Variants in SOX6 observed in about 807,000 individuals in gnomAD.
The protein encoded by SOX6 is transcription factor SOX-6.
In SOX6, 11 loss-of-function variants were observed where a neutral mutation model predicts 97.8. The observed-to-expected ratio is 0.11, with a 90% confidence interval of 0.07 to 0.19. The LOEUF is 0.19. Among genes scored for constraint, SOX6 ranks in the 10% least tolerant of loss-of-function variants. SOX6 has a pLI of 1.00. For missense variants in SOX6, 810 were observed against 1,039.5 expected, an observed-to-expected ratio of 0.78 and a Z score of 3.04; for synonymous variants, 360 against 371.4, an observed-to-expected ratio of 0.97 and a Z score of 0.35.
At chr11:16,155,391 G>T (rs896812535) in intron 6 of SOX6, among the ~76,000 whole-genome samples, 4 of 152,094 alleles carry the variant, frequency 2.6e-5, no homozygotes, top group Admixed American at 2.0e-4. Context: ...ACCTCAATGG[G>T]CTATTGTAAG....
chr11:16,628,013 A>G (rs1206152356), intron 3 of SOX6, among the ~76,000 whole-genome samples: 1 of 152,122 alleles, frequency 6.6e-6, no homozygotes, highest in African/African-American at 2.4e-5. Flanking sequence ...TCTGCATATG[A>G]CTAGCCAGCT....
At chr11:16,721,552 T>TCTC (rs1848264385) in intron 2 of SOX6, among the ~76,000 whole-genome samples, 5 of 2,132 alleles carry the variant, frequency 2.3e-3, no homozygotes, top group Non-Finnish European at 3.9e-3. Flanking sequence ...CTCTCTCTCT[T>TCTC]CCCCCCCCTC....
chr11:16,635,383 T>C (rs114173336), intron 3 of SOX6, among the ~76,000 whole-genome samples: 2,986 of 152,294 alleles, frequency 0.02, 108 homozygotes, highest in African/African-American at 0.069. Flanking sequence ...AAGGTAACTC[T>C]TGCTGTGCAA....
chr11:16,164,085 CA>C (rs1850824290), intron 6 of SOX6, among the ~76,000 whole-genome samples: 1 of 152,120 alleles, frequency 6.6e-6, no homozygotes, highest in Non-Finnish European at 1.5e-5. Flanking sequence ...CTCCCAGGCT[CA>C]AGTGATCCCA....
At chr11:16,202,685 G>T (rs1200166968) in intron 4 of SOX6, among the ~76,000 whole-genome samples, 1 of 151,972 alleles carries the variant, frequency 6.6e-6, no homozygotes, top group South Asian at 2.1e-4. Context: ...CTACACTTGA[G>T]TTCTAAAATT....
chr11:16,498,206 C>A (rs908129188), intron 4 of SOX6, among the ~76,000 whole-genome samples: 2 of 152,160 alleles, frequency 1.3e-5, no homozygotes, highest in African/African-American at 2.4e-5. Context: ...AATTTCATAT[C>A]CAGCCAAACT....
In SOX6 at chr11:16,161,315, GAT is replaced by G. The variant is rs58290065; in HGVS notation, c.777+22569_777+22570del. ...ACACTTAAGATTTGACAATGAATTT[GAT>G]ATATATATATATATATCAGATATAT... On this transcript the variant is annotated intron_variant, in intron 6 of 15. Transcript: ENST00000683767. Among the ~76,000 whole-genome samples the G allele has an allele frequency of 1.7e-3, 239 of 143,706 alleles. 1 individual carries two copies. The highest frequency in any genetic ancestry group is 3.9e-3 in the Admixed American group (55 of 14,230). The allele number at this position is 143,706 out of a possible 152,430, so 94.3% of individuals were successfully genotyped here. A position where few individuals can be genotyped will look rare whatever the true frequency, so the allele number is the denominator to read the frequency against.
rs1242694447 is a variant in SOX6 at position 16,592,340 on chromosome 11, T to C, written n.609+19741A>G. On this transcript the variant is annotated intron_variant and non_coding_transcript_variant, in intron 4 of 5. Coordinates refer to the SOX6 transcript ENST00000524520. ...GATCTCTATTTCCTCTCCATGAATA[T>C]CCCAAGTTATGCCCCTTTGACCTCA... Among the ~76,000 whole-genome samples, 3 of 149,432 alleles carry C rather than the reference T, an allele frequency of 2.0e-5. No individual in the cohort carries two copies. In the East Asian group the frequency reaches 5.9e-4, roughly 29 times the overall value.
At chr11:16,472,817 T>C (rs1590216236) in intron 1 of SOX6, among the ~76,000 whole-genome samples, 1 of 151,714 alleles carries the variant, frequency 6.6e-6, no homozygotes, top group East Asian at 1.9e-4. Flanking sequence ...TTATTTCAAA[T>C]AATTTCCTAG....
At chr11:16,501,253 C>T (rs1860701683) in intron 4 of SOX6, among the ~76,000 whole-genome samples, 1 of 152,062 alleles carries the variant, frequency 6.6e-6, no homozygotes, top group Admixed American at 6.5e-5. Flanking sequence ...AACTGGCTAG[C>T]CATATGTAGA....
intron 6 of SOX6, among the ~76,000 whole-genome samples, chr11:16,136,023 T>G (rs1405110783): frequency 6.6e-6 from 1 of 152,078 alleles, no homozygotes; most frequent in Non-Finnish European, 1.5e-5. Context: ...CAAATGATCA[T>G]TAGCATTTTT....
chr11:16,555,564 C>A (rs1847740563), intron 4 of SOX6, among the ~76,000 whole-genome samples: 1 of 151,518 alleles, frequency 6.6e-6, no homozygotes, highest in South Asian at 2.1e-4. Context: ...GTGCTGTGAA[C>A]ATTACAAATC....
At chr11:16,410,201 C>T (rs1405433029) in intron 1 of SOX6, among the ~76,000 whole-genome samples, 4 of 151,810 alleles carry the variant, frequency 2.6e-5, no homozygotes, top group Non-Finnish European at 5.9e-5. Context: ...ATAATTTACC[C>T]AAAAACTAAA....
chr11:16,597,412 T>C (rs964453162), intron 4 of SOX6, among the ~76,000 whole-genome samples: 25 of 151,790 alleles, frequency 1.6e-4, no homozygotes, highest in African/African-American at 5.8e-4. Context: ...GAATAAATTA[T>C]ATCACCATCC....
chr11:16,334,225 A>G (rs297346), intron 2 of SOX6, among the ~76,000 whole-genome samples: 93,447 of 151,966 alleles, frequency 0.61, 29,248 homozygotes, highest in East Asian at 0.72. Flanking sequence ...TCCGATTTTC[A>G]TTTATCTGTC....
At chr11:16,731,991 T>G (rs1848353786) in intron 2 of SOX6, among the ~76,000 whole-genome samples, 2 of 152,142 alleles carry the variant, frequency 1.3e-5, no homozygotes, top group African/African-American at 4.8e-5. Context: ...CATCCACAAT[T>G]GCTACAAAGA....
chr11:16,389,454 T>C (rs570370883), intron 1 of SOX6, among the ~76,000 whole-genome samples: 37 of 152,316 alleles, frequency 2.4e-4, no homozygotes, highest in African/African-American at 8.9e-4. Context: ...ATTCTGCTGA[T>C]TGTCCTCTCA....
chr11:16,161,351 T>A (rs1432340694), intron 6 of SOX6, among the ~76,000 whole-genome samples: 1 of 150,966 alleles, frequency 6.6e-6, no homozygotes, highest in African/African-American at 2.4e-5. Flanking sequence ...ATATGTCTTA[T>A]GTTTAAGATT....
intron 3 of SOX6, chr11:16,283,925 A>G (rs1025888056): frequency 1.6e-5 from 7 of 429,150 alleles, no homozygotes; most frequent in Non-Finnish European, 2.8e-5. Context: ...CTTGCTGAAA[A>G]ATATAAAAGA....
Sources: gnomAD v4.1 joint callset for allele counts (sites outside exome capture counted in the v4.1 genomes callset) on GRCh38, gnomAD v4.1.1 for gene constraint, MANE v1.5 for transcripts, NCBI Gene and HGNC (gene_info 2026-07-23, HGNC 2026-07-21) for gene names.